Variants in NAA11 observed in about 807,000 individuals in gnomAD.
NAA11 encodes the protein N-alpha-acetyltransferase 11.
A neutral mutation model predicts 16.1 loss-of-function variants in NAA11; 15 were observed. The observed-to-expected ratio is 0.93, with a 90% CI of 0.62 to 1.44. The LOEUF (loss-of-function observed/expected upper bound fraction) is 1.44, where lower values mean the gene tolerates loss of function less well. Among genes scored for constraint, NAA11 ranks in the 40% most tolerant of loss-of-function variants. The pLI, the probability that NAA11 is intolerant of heterozygous loss-of-function variation, is 0.00. For missense variants in NAA11, 298 were observed against 291.3 expected (o/e 1.02, Z -0.17); for synonymous variants, 122 against 112.4 (o/e 1.09, Z -0.54).
intron 2 of NAA11, among the ~76,000 whole-genome samples, chr4:79,241,116 A>G (rs1398954940): frequency 6.6e-6 from 1 of 152,126 alleles, no homozygotes; most frequent in Non-Finnish European, 1.5e-5. Context: ...TTCTTCTGCC[A>G]CTGCCACCCC....
chr4:79,235,500 A>T (rs1721552774), intron 2 of NAA11, among the ~76,000 whole-genome samples: 1 of 152,144 alleles, frequency 6.6e-6, no homozygotes, highest in Admixed American at 6.6e-5. Context: ...CCACATGGAG[A>T]TATTTACCTG....
At chr4:79,324,627 C>G (rs1724201459) in intron 1 of NAA11, among the ~76,000 whole-genome samples, 1 of 152,126 alleles carries the variant, frequency 6.6e-6, no homozygotes, top group Admixed American at 6.6e-5. Flanking sequence ...AAGAATATTT[C>G]ATAGGTAGTA....
At chr4:79,298,057 A>G (rs1161246028) in intron 1 of NAA11, among the ~76,000 whole-genome samples, 1 of 152,204 alleles carries the variant, frequency 6.6e-6, no homozygotes, top group African/African-American at 2.4e-5. Flanking sequence ...GAGAGGAGCT[A>G]CGTTTTCTGC....
the NAA11 span, among the ~76,000 whole-genome samples, chr4:79,168,572 G>A: frequency 2.0e-5 from 3 of 152,130 alleles, no homozygotes; most frequent in African/African-American, 4.8e-5. Flanking sequence ...TCGAACTAGC[G>A]TGAGATGGTA....
At chr4:79,197,131 A>T in the NAA11 span, among the ~76,000 whole-genome samples, 1 of 152,072 alleles carries the variant, frequency 6.6e-6, no homozygotes, top group Non-Finnish European at 1.5e-5. Context: ...TAAGCTACTG[A>T]ATTTGTGGTA....
intron 1 of NAA11, among the ~76,000 whole-genome samples, chr4:79,323,876 G>A (rs992421835): frequency 1.1e-4 from 17 of 151,950 alleles, no homozygotes; most frequent in African/African-American, 4.8e-5. Context: ...GGTGGCGGGC[G>A]CCTGTAGTCC....
At chr4:79,193,486 G>C in the NAA11 span, among the ~76,000 whole-genome samples, 42 of 152,096 alleles carry the variant, frequency 2.8e-4, no homozygotes, top group Non-Finnish European at 3.1e-4. Context: ...ATAGGGAATC[G>C]TTTCCCCATT....
intron 2 of NAA11, among the ~76,000 whole-genome samples, chr4:79,250,861 A>G (rs1315214435): frequency 1.3e-5 from 2 of 152,244 alleles, no homozygotes; most frequent in Non-Finnish European, 2.9e-5. Context: ...CTACAAGCAT[A>G]TGAAGAAATA....
intron 1 of NAA11, among the ~76,000 whole-genome samples, chr4:79,303,116 AT>A (rs2110004192): frequency 9.0e-6 from 1 of 111,716 alleles, no homozygotes; most frequent in East Asian, 2.7e-4. Flanking sequence ...ATATATATAT[AT>A]ATATACCTCC....
the NAA11 span, among the ~76,000 whole-genome samples, chr4:79,165,484 TC>T: frequency 6.6e-6 from 1 of 152,320 alleles, no homozygotes; most frequent in East Asian, 1.9e-4. Flanking sequence ...CCTGTTACTC[TC>T]CCTTTGCACA....
At chr4:79,161,474 T>G in the NAA11 span, among the ~76,000 whole-genome samples, 6 of 152,214 alleles carry the variant, frequency 3.9e-5, no homozygotes, top group African/African-American at 1.4e-4. Flanking sequence ...CAAATTTATT[T>G]TTTTCCAAGG....
At chr4:79,290,742 T>A (rs1412292712) in intron 2 of NAA11, among the ~76,000 whole-genome samples, 4 of 152,130 alleles carry the variant, frequency 2.6e-5, no homozygotes, top group African/African-American at 9.7e-5. Flanking sequence ...GTTTTGTGTA[T>A]GATTGAGGTC....
rs1394823288 is a variant in NAA11, at chr4:79,247,571, A to G, written c.*123-21301T>C. On this transcript the variant is annotated intron_variant and NMD_transcript_variant, in intron 2 of 2. Transcript: ENST00000511542. ...GGAGGCAACATAGCCAACTAAATAC[A>G]GCCAGGAGGAACATCTGCCACCAAG... Among the ~76,000 whole-genome samples, 4 of 152,188 alleles carry G rather than the reference A, an allele frequency of 2.6e-5. No homozygotes were observed. In the East Asian group the frequency reaches 5.8e-4, roughly 22 times the overall value.
the NAA11 span, among the ~76,000 whole-genome samples, chr4:79,194,645 G>A: frequency 6.6e-6 from 1 of 152,028 alleles, no homozygotes; most frequent in African/African-American, 2.4e-5. Flanking sequence ...ATTATATTCT[G>A]GCATAAGTAA....
At chr4:79,258,258 C>T (rs1423543875) in intron 2 of NAA11, among the ~76,000 whole-genome samples, 2 of 152,250 alleles carry the variant, frequency 1.3e-5, no homozygotes, top group African/African-American at 4.8e-5. Context: ...GTCTCTTGCT[C>T]CACAGAGCAG....
At chr4:79,272,027 CAT>C (rs1462896593) in intron 2 of NAA11, among the ~76,000 whole-genome samples, 15 of 151,836 alleles carry the variant, frequency 9.9e-5, no homozygotes, top group African/African-American at 3.4e-4. Flanking sequence ...TATACACACA[CAT>C]ATAGAGATAT....
intron 1 of NAA11, among the ~76,000 whole-genome samples, chr4:79,303,312 T>C (rs947417121): frequency 1.3e-5 from 2 of 151,840 alleles, no homozygotes; most frequent in East Asian, 3.9e-4. Context: ...CCTTTGTTCA[T>C]TTATTATTTT....
chr4:79,162,535 A>G, the NAA11 span, among the ~76,000 whole-genome samples: 2 of 152,248 alleles, frequency 1.3e-5, no homozygotes, highest in Non-Finnish European at 2.9e-5. Context: ...GAATGCCAGA[A>G]GAATTGTAAA....
chr4:79,310,379 C>T (rs921244785), intron 1 of NAA11, among the ~76,000 whole-genome samples: 1 of 152,188 alleles, frequency 6.6e-6, no homozygotes, highest in Non-Finnish European at 1.5e-5. Flanking sequence ...ATTTTACTCT[C>T]GCAACAACTC....
Sources: gnomAD v4.1 joint callset for allele counts (sites outside exome capture counted in the v4.1 genomes callset) on GRCh38, gnomAD v4.1.1 for gene constraint, MANE v1.5 for transcripts, NCBI Gene and HGNC (gene_info 2026-07-23, HGNC 2026-07-21) for gene names.